The following SNTG1 variants were observed in gnomAD, a reference collection of about 807,000 sequenced individuals.
SNTG1 encodes the protein syntrophin gamma 1, also known as gamma-1-syntrophin.
In SNTG1, 39 loss-of-function variants were observed where a neutral mutation model predicts 74.7. The ratio of observed to expected loss-of-function variants is 0.52; its 90% confidence interval spans 0.40 to 0.68. The LOEUF (loss-of-function observed/expected upper bound fraction) is 0.68, where lower values mean the gene tolerates loss of function less well. SNTG1 is among the 30% of genes least tolerant of loss of function. The probability of loss-of-function intolerance (pLI) is 0.00; values close to 1 mark genes in which losing one functional copy is unlikely to be tolerated. For synonymous variants in SNTG1, 254 were observed against 217.1 expected (o/e 1.17, Z -1.49); for missense variants, 685 against 609.5 (o/e 1.12, Z -1.30).
intron 8 of SNTG1, among the ~76,000 whole-genome samples, chr8:50,481,610 G>A (rs890078120): frequency 6.6e-6 from 1 of 152,164 alleles, no homozygotes; most frequent in African/African-American, 2.4e-5. Context: ...AAAGCACTGA[G>A]ATTGCATTTT....
chr8:49,967,726 A>G (rs1278495981), intron 1 of SNTG1, among the ~76,000 whole-genome samples: 1 of 152,206 alleles, frequency 6.6e-6, no homozygotes, highest in Non-Finnish European at 1.5e-5. Flanking sequence ...ATAAGTGTTA[A>G]TTATCACTGA....
At chr8:50,467,083 C>G (rs1356584641) in intron 8 of SNTG1, among the ~76,000 whole-genome samples, 1 of 151,838 alleles carries the variant, frequency 6.6e-6, no homozygotes, top group Non-Finnish European at 1.5e-5. Context: ...ATATTTTATT[C>G]ACAATCATTG....
At chr8:50,249,504 C>T (rs2086552280) in intron 2 of SNTG1, among the ~76,000 whole-genome samples, 1 of 152,220 alleles carries the variant, frequency 6.6e-6, no homozygotes, top group South Asian at 2.1e-4. Context: ...TAGAGGAACT[C>T]TTGCTCAGTT....
At chr8:49,935,630 G>T (rs2129364070) in intron 1 of SNTG1, among the ~76,000 whole-genome samples, 1 of 151,946 alleles carries the variant, frequency 6.6e-6, no homozygotes, top group South Asian at 2.1e-4. Context: ...ACAGACAGGA[G>T]AAATCAAACA....
intron 1 of SNTG1, among the ~76,000 whole-genome samples, chr8:49,935,718 G>T (rs16914042): frequency 0.013 from 1,964 of 152,174 alleles, 42 homozygotes; most frequent in African/African-American, 0.044. Flanking sequence ...TTTGTCACCA[G>T]CCTGCAGCTC....
chr8:49,940,104 T>G (rs751046716), intron 1 of SNTG1, among the ~76,000 whole-genome samples: 1 of 152,156 alleles, frequency 6.6e-6, no homozygotes, highest in Admixed American at 6.5e-5. Context: ...TTTGAGGTGC[T>G]TGGGTTGAAC....
intron 2 of SNTG1, among the ~76,000 whole-genome samples, chr8:50,325,467 TG>T (rs775767782): frequency 2.6e-4 from 40 of 152,168 alleles, no homozygotes; most frequent in Non-Finnish European, 4.6e-4. Context: ...ATTTCATCTT[TG>T]GGGTGCTAAT....
At chr8:50,172,069 A>G (rs1460394680) in intron 1 of SNTG1, among the ~76,000 whole-genome samples, 5 of 152,344 alleles carry the variant, frequency 3.3e-5, no homozygotes, top group Admixed American at 1.3e-4. Flanking sequence ...CTTCAATTAC[A>G]GTATGTTTTA....
At chr8:49,938,597 C>CTTTTCTTTTCTTTTCTTTTCTTTT (rs1554524894) in intron 1 of SNTG1, among the ~76,000 whole-genome samples, 2 of 32,512 alleles carry the variant, frequency 6.2e-5, no homozygotes, top group African/African-American at 2.4e-4. Context: ...CTTTTCTTTT[C>CTTTTCTTTTCTTTTCTTTTCTTTT]TTTTCTTTTC....
At chr8:50,520,912 C>G (rs1258070238) in intron 9 of SNTG1, among the ~76,000 whole-genome samples, 1 of 152,088 alleles carries the variant, frequency 6.6e-6, no homozygotes, top group African/African-American at 2.4e-5. Flanking sequence ...CCCAGCAATC[C>G]TATTACTGGG....
intron 8 of SNTG1, among the ~76,000 whole-genome samples, chr8:50,458,723 C>A (rs989735155): frequency 6.6e-6 from 1 of 151,882 alleles, no homozygotes; most frequent in African/African-American, 2.4e-5. Context: ...AAGTATTGAA[C>A]ATTTTTTCTT....
intron 3 of SNTG1, among the ~76,000 whole-genome samples, chr8:50,401,627 G>T (rs1237570728): frequency 6.6e-6 from 1 of 152,102 alleles, no homozygotes; most frequent in Non-Finnish European, 1.5e-5. Context: ...GTTCATGCAA[G>T]TCTGTGCATG....
At chr8:49,960,654 G>A (rs1810597391) in intron 1 of SNTG1, among the ~76,000 whole-genome samples, 1 of 152,014 alleles carries the variant, frequency 6.6e-6, no homozygotes, top group Admixed American at 6.6e-5. Flanking sequence ...GACATATAAT[G>A]GGCAGATGCT....
At chr8:50,370,435 G>A (rs2092241036) in intron 2 of SNTG1, among the ~76,000 whole-genome samples, 1 of 152,082 alleles carries the variant, frequency 6.6e-6, no homozygotes, top group Non-Finnish European at 1.5e-5. Context: ...GATGAGTATG[G>A]GCACAATGAG....
At chr8:50,391,145 T>C (rs2092653264) in intron 2 of SNTG1, among the ~76,000 whole-genome samples, 1 of 152,198 alleles carries the variant, frequency 6.6e-6, no homozygotes, top group Non-Finnish European at 1.5e-5. Flanking sequence ...CCCTGTCTTG[T>C]GCCAGTTTTC....
chr8:50,050,399 A>G (rs546925595), intron 1 of SNTG1, among the ~76,000 whole-genome samples: 68 of 152,066 alleles, frequency 4.5e-4, no homozygotes, highest in African/African-American at 1.5e-3. Flanking sequence ...AACTCATACA[A>G]GCAGAAACAG....
intron 17 of SNTG1, among the ~76,000 whole-genome samples, chr8:50,734,704 C>A (rs967351531): frequency 2.8e-5 from 4 of 144,732 alleles, no homozygotes; most frequent in African/African-American, 7.6e-5. Context: ...ATATATATAT[C>A]TCTCTATATA....
chr8:49,944,573 T>C (rs1306364575), intron 1 of SNTG1, among the ~76,000 whole-genome samples: 2 of 93,294 alleles, frequency 2.1e-5, no homozygotes, highest in African/African-American at 8.8e-5. Flanking sequence ...CTCTGGGGAC[T>C]GTTGTGGGGT....
chr8:50,431,255 C>G (rs1248654182), intron 4 of SNTG1, among the ~76,000 whole-genome samples: 1 of 152,144 alleles, frequency 6.6e-6, no homozygotes, highest in African/African-American at 2.4e-5. Flanking sequence ...GTTTCCTTAA[C>G]ATGGAGATTC....
Sources: allele counts gnomAD v4.1 joint callset (sites outside exome capture counted in the v4.1 genomes callset), GRCh38; gene constraint gnomAD v4.1.1; transcripts MANE v1.5; gene names NCBI Gene and HGNC (gene_info 2026-07-23, HGNC 2026-07-21).